The following TTC7A variants were observed in gnomAD, a reference collection of about 807,000 sequenced individuals.
TTC7A encodes the protein tetratricopeptide repeat protein 7A.
Under a neutral mutation model 103.7 loss-of-function variants are expected in TTC7A, and 110 were observed. The observed-to-expected ratio is 1.06, with a 90% CI of 0.91 to 1.24. The LOEUF is 1.24. TTC7A is among the 50% of genes most tolerant of loss of function. The pLI, the probability that TTC7A is intolerant of heterozygous loss-of-function variation, is 0.00. For synonymous variants in TTC7A, 521 were observed against 467.9 expected (o/e 1.11, Z -1.47); for missense variants, 1,340 against 1,116.3 (o/e 1.20, Z -2.86).
chr2:46,943,580 CAAA>C (rs1050067866), intron 1 of TTC7A, among the ~76,000 whole-genome samples: 1 of 151,026 alleles, frequency 6.6e-6, no homozygotes, highest in African/African-American at 2.4e-5. Context: ...ACACGAGGAA[CAAA>C]AAAAAATGCC....
chr2:46,996,487 G>A (rs76633066), intron 8 of TTC7A, among the ~76,000 whole-genome samples: 82 of 152,336 alleles, frequency 5.4e-4, no homozygotes, highest in African/African-American at 1.6e-3. Flanking sequence ...CTTAGATAGC[G>A]TTGGTAATCA....
chr2:46,923,717 C>T (rs766034821), intron 2 of TTC7A, among the ~76,000 whole-genome samples: 7 of 152,030 alleles, frequency 4.6e-5, no homozygotes, highest in Non-Finnish European at 7.4e-5. Flanking sequence ...CATAGGAAGA[C>T]CCTGTCTCTA....
chr2:46,975,193 C>T, intron 4 of TTC7A, 90 bp downstream of exon 4: 3 of 1,537,840 alleles, frequency 2.0e-6, no homozygotes, highest in Non-Finnish European at 2.7e-6. Context: ...CACCTGTGTG[C>T]TAATTAGAAG....
At chr2:47,032,045 G>A (rs145651904) in intron 15 of TTC7A, among the ~76,000 whole-genome samples, 139 of 152,242 alleles carry the variant, frequency 9.1e-4, no homozygotes, top group African/African-American at 3.1e-3. Context: ...GCCTCAACAC[G>A]TGCACTTTCC....
At chr2:47,061,906 AAC>A (rs1683812050) in intron 19 of TTC7A, among the ~76,000 whole-genome samples, 1 of 152,208 alleles carries the variant, frequency 6.6e-6, no homozygotes, top group African/African-American at 2.4e-5. Context: ...CACAGTTAGC[AAC>A]AATCTTTCCC....
At chr2:47,071,839 G>T (rs1192417683) in intron 19 of TTC7A, among the ~76,000 whole-genome samples, 1 of 152,154 alleles carries the variant, frequency 6.6e-6, no homozygotes, top group African/African-American at 2.4e-5. Context: ...TAGCAGTTGA[G>T]CCCATTTTTC....
intron 18 of TTC7A, 24 bp from the exon 19 acceptor site, chr2:47,060,745 C>T: frequency 6.3e-7 from 1 of 1,576,440 alleles, no homozygotes; most frequent in Non-Finnish European, 8.7e-7. Flanking sequence ...ACTCACACCT[C>T]CCACTGCCCT....
chr2:47,057,583 G>A (rs1404764701), intron 18 of TTC7A, among the ~76,000 whole-genome samples: 1 of 152,224 alleles, frequency 6.6e-6, no homozygotes, highest in African/African-American at 2.4e-5. Flanking sequence ...CCAGGGCCAA[G>A]TAGACCAGGG....
chr2:46,978,292 A>G (rs1336226566), intron 4 of TTC7A: 3 of 153,566 alleles, frequency 2.0e-5, no homozygotes, highest in Non-Finnish European at 4.3e-5. Flanking sequence ...CTCCGCCACC[A>G]CCTGCCACGT....
chr2:46,946,355 A>C (rs778443142), intron 1 of TTC7A, among the ~76,000 whole-genome samples: 10 of 152,208 alleles, frequency 6.6e-5, no homozygotes, highest in Non-Finnish European at 1.3e-4. Context: ...GGATGATAAA[A>C]AGCAACTTGT....
intron 16 of TTC7A, among the ~76,000 whole-genome samples, chr2:47,049,038 G>A (rs1289673518): frequency 6.6e-6 from 1 of 152,188 alleles, no homozygotes; most frequent in Non-Finnish European, 1.5e-5. Flanking sequence ...CCAGACCCGA[G>A]TTGAAGCCAG....
intron 19 of TTC7A, among the ~76,000 whole-genome samples, chr2:47,070,288 G>C (rs1684562257): frequency 6.6e-6 from 1 of 152,270 alleles, no homozygotes; most frequent in African/African-American, 2.4e-5. Flanking sequence ...CACTGAGTGT[G>C]AGCCCAGACC....
chr2:46,979,673 T>C (rs1229155760), intron 5 of TTC7A, among the ~76,000 whole-genome samples: 1 of 152,114 alleles, frequency 6.6e-6, no homozygotes, highest in East Asian at 1.9e-4. Flanking sequence ...AGATTCAAGA[T>C]GAGGAGTGCG....
intron 11 of TTC7A, among the ~76,000 whole-genome samples, chr2:47,014,747 C>A (rs1007377871): frequency 6.6e-6 from 1 of 152,202 alleles, no homozygotes; most frequent in African/African-American, 2.4e-5. Context: ...GAGCAGGGGA[C>A]AGAAATCTGG....
chr2:47,012,250 A>G (rs1272177959), intron 11 of TTC7A, among the ~76,000 whole-genome samples: 1 of 152,200 alleles, frequency 6.6e-6, no homozygotes, highest in Non-Finnish European at 1.5e-5. Context: ...ACTTCTGGAT[A>G]ATCTTTGCTT....
rs1012737314 is a variant in TTC7A, at chr2:46,941,634, G to C, written c.93G>C (p.Glu31Asp). ...AGGGCCACTGGGACCGCATGCCGGAGCTGGTCCGGCAGCTGCAGACGCTGA... is the reference window on the plus strand; with the variant it reads ...AGGGCCACTGGGACCGCATGCCGGACCTGGTCCGGCAGCTGCAGACGCTGA... Reference protein sequence around the residue: ...RAEGHWDRMPELVRQLQTLSM... With the variant: ...RAEGHWDRMPDLVRQLQTLSM... Residue 31 changes from glutamate to aspartate, a missense_variant, in exon 1 of 20, where the codon GAG becomes GAC. Coordinates refer to ENST00000319190, the MANE Select transcript of TTC7A (RefSeq NM_020458.4). This position sits in a 1 kb window ranked among gnomAD's most constrained non-coding sequence, Gnocchi z 4.2. 1 of 1,554,220 alleles carries C rather than the reference G, an allele frequency of 6.4e-7. No individual in the cohort carries two copies. The highest frequency in any genetic ancestry group is 8.7e-7 in the Non-Finnish European group (1 of 1,149,318).
At chr2:47,030,617 A>G (rs566490364) in intron 15 of TTC7A, among the ~76,000 whole-genome samples, 32 of 152,272 alleles carry the variant, frequency 2.1e-4, no homozygotes, top group Admixed American at 7.8e-4. Context: ...AAGGCCAACA[A>G]TGGGTGTTCA....
chr2:46,963,996 G>A (rs992475220), intron 3 of TTC7A, among the ~76,000 whole-genome samples: 25 of 152,222 alleles, frequency 1.6e-4, no homozygotes, highest in Admixed American at 1.4e-3. Context: ...ACCAGGGTAC[G>A]GTTATGAAAG....
In TTC7A at chr2:47,007,006, A is replaced by C. The variant is rs146383463; in HGVS notation, c.1287+282A>C. Among the ~76,000 whole-genome samples the C allele has an allele frequency of 6.6e-6, 1 of 152,168 alleles. No homozygotes were observed. Among genetic ancestry groups the C allele is most frequent in the Non-Finnish European group, 1.5e-5 (1 of 67,996 alleles). ...GAGCACTGTATCCTCTGTGCTGAAG[A>C]GCTAATAATGTGACTGCATGTGGTG... On this transcript the variant is annotated intron_variant, in intron 10 of 19. Coordinates refer to ENST00000319190, the MANE Select transcript of TTC7A (RefSeq NM_020458.4). This position sits in a 1 kb window ranked among gnomAD's most constrained non-coding sequence, Gnocchi z 4.9.
Sources: gnomAD v4.1 joint callset for allele counts (sites outside exome capture counted in the v4.1 genomes callset) on GRCh38, gnomAD v4.1.1 for gene constraint, Gnocchi (gnomAD v3.1) non-coding constraint, MANE v1.5 for transcripts, NCBI Gene and HGNC (gene_info 2026-07-23, HGNC 2026-07-21) for gene names.